The following FOXN2 variants were observed in gnomAD, a reference collection of about 807,000 sequenced individuals.
The protein encoded by FOXN2 is forkhead box N2.
FOXN2 carries 19 observed loss-of-function variants against 41.2 expected under a neutral mutation model. The ratio of observed to expected loss-of-function variants is 0.46; its 90% confidence interval spans 0.32 to 0.68. The LOEUF is 0.68. Ranked by LOEUF, FOXN2 falls within the 30% of genes least tolerant of loss-of-function variation. The pLI is 0.03. For missense variants in FOXN2, 587 were observed against 509.4 expected, an observed-to-expected ratio of 1.15 and a Z score of -1.47; for synonymous variants, 195 against 176.8, an observed-to-expected ratio of 1.10 and a Z score of -0.82.
At position 48,377,818 on chromosome 2, in the gene FOXN2, G is replaced by A. The variant is rs984920752; in HGVS notation, c.*2375G>A. Reference sequence around the variant, plus strand: ...CAAGGGAAGAACCTTTTAAATTATGGTCCTCCATTTACTACTTCCACTGAG... The same window carrying A: ...CAAGGGAAGAACCTTTTAAATTATGATCCTCCATTTACTACTTCCACTGAG... On this transcript the variant is annotated 3_prime_UTR_variant, in exon 7 of 7. Transcript: ENST00000340553. The A allele has an allele frequency of 2.0e-5, 3 of 151,922 alleles. No homozygotes were observed. Among genetic ancestry groups the A allele is most frequent in the African/African-American group, 7.2e-5 (3 of 41,392 alleles). The allele number at this position is 151,922 out of a possible 1,614,324, so 9.4% of individuals were successfully genotyped here. A position where few individuals can be genotyped will look rare whatever the true frequency, so the allele number is the denominator to read the frequency against.
intron 4 of FOXN2, among the ~76,000 whole-genome samples, chr2:48,361,798 G>A (rs1485963909): frequency 6.6e-6 from 1 of 152,000 alleles, no homozygotes; most frequent in East Asian, 1.9e-4. Context: ...AGAACTGTTG[G>A]TGTCTTTCCA....
At chr2:48,335,889 G>T (rs1209580251) in intron 2 of FOXN2, among the ~76,000 whole-genome samples, 1 of 151,774 alleles carries the variant, frequency 6.6e-6, no homozygotes, top group Non-Finnish European at 1.5e-5. Flanking sequence ...TTAGCCAGGC[G>T]TGGTGGCAGG....
chr2:48,361,138 T>A (rs977050278), intron 4 of FOXN2, among the ~76,000 whole-genome samples: 3 of 152,162 alleles, frequency 2.0e-5, no homozygotes, highest in African/African-American at 7.2e-5. Context: ...ATCATAAGTT[T>A]AAATGTTAAA....
chr2:48,355,864 C>T (rs1257714276), intron 3 of FOXN2, among the ~76,000 whole-genome samples: 1 of 152,132 alleles, frequency 6.6e-6, no homozygotes, highest in Non-Finnish European at 1.5e-5. Context: ...GTCTAACAAT[C>T]CTGGTTTGGT....
chr2:48,356,746 G>A (rs1302878859), intron 3 of FOXN2, among the ~76,000 whole-genome samples: 4 of 152,110 alleles, frequency 2.6e-5, no homozygotes, highest in Non-Finnish European at 5.9e-5. Flanking sequence ...AATAATGAAC[G>A]TTGCCTTTTC....
chr2:48,317,595 C>CTTTTTTTTTTTTTTTTTT lies in FOXN2; in HGVS notation c.-157+2794_-157+2811dup, dbSNP rs574980247. Reference sequence around the variant, plus strand: ...ACAATGCCTATAGCCTATAGTATTGCTTTTTTTTTTTTTTTTTTTTTTTTT... The same window carrying CTTTTTTTTTTTTTTTTTT: ...ACAATGCCTATAGCCTATAGTATTGCTTTTTTTTTTTTTTTTTTTTTTTTTTTTTTTTTTTTTTTTTTT... On this transcript the variant is annotated intron_variant, in intron 1 of 6. Coordinates refer to ENST00000340553, the MANE Select transcript of FOXN2 (RefSeq NM_002158.4). Among the ~76,000 whole-genome samples, 13 of 34,746 alleles carry CTTTTTTTTTTTTTTTTTT rather than the reference C, an allele frequency of 3.7e-4. 3 individuals are homozygous for CTTTTTTTTTTTTTTTTTT. Among genetic ancestry groups the CTTTTTTTTTTTTTTTTTT allele is most frequent in the Non-Finnish European group, 5.7e-4 (10 of 17,474 alleles). The allele number at this position is 34,746 out of a possible 152,430, so 22.8% of individuals were successfully genotyped here.
intron 5 of FOXN2, among the ~76,000 whole-genome samples, chr2:48,372,335 GGC>G: frequency 6.6e-6 from 1 of 152,142 alleles, no homozygotes; most frequent in East Asian, 1.9e-4. Context: ...TTATCTTCAT[GGC>G]TTTATTATCT....
At chr2:48,371,056 G>T (rs1449880687) in intron 5 of FOXN2, among the ~76,000 whole-genome samples, 1 of 152,076 alleles carries the variant, frequency 6.6e-6, no homozygotes, top group Non-Finnish European at 1.5e-5. Flanking sequence ...TGAAGAAACT[G>T]TCTTTCCCCC....
intron 3 of FOXN2, among the ~76,000 whole-genome samples, 182 bp from the exon 4 acceptor site, chr2:48,358,865 G>T (rs1671976431): frequency 7.6e-6 from 1 of 131,530 alleles, no homozygotes; most frequent in South Asian, 2.5e-4. Context: ...AGGAAGTTTT[G>T]TACATCATAG....
chr2:48,347,219 G>GTTTTT (rs1671165247), intron 3 of FOXN2, among the ~76,000 whole-genome samples: 1 of 107,338 alleles, frequency 9.3e-6, no homozygotes, highest in Admixed American at 9.1e-5. Flanking sequence ...GTGTTTTGGT[G>GTTTTT]CTTTTTTTTT....
Position 48,317,858 on chromosome 2 carries a change from C to G in FOXN2, c.-157+3044C>G, listed in dbSNP as rs536979979. Among the ~76,000 whole-genome samples the G allele has an allele frequency of 7.9e-5, 12 of 152,004 alleles. No homozygotes were observed. In the East Asian group the frequency reaches 2.1e-3, roughly 27 times the overall value. ...CCTGACCTCAGGTATCCGCCTGCCT[C>G]AGCCTCCCAAAGTGCTGGGATTACA... On this transcript the variant is annotated intron_variant, in intron 1 of 6. Coordinates refer to ENST00000340553, the MANE Select transcript of FOXN2 (RefSeq NM_002158.4).
intron 3 of FOXN2, among the ~76,000 whole-genome samples, chr2:48,358,127 C>G (rs757677586): frequency 2.0e-5 from 3 of 151,694 alleles, no homozygotes; most frequent in Non-Finnish European, 4.4e-5. Flanking sequence ...TTTTTTTTAC[C>G]ACCTAACTTT....
Position 48,355,566 on chromosome 2 carries a change from T to A in FOXN2, c.538-3481T>A, listed in dbSNP as rs139259179. Among the ~76,000 whole-genome samples, 676 of 152,222 alleles carry A rather than the reference T, an allele frequency of 4.4e-3. 6 individuals are homozygous for A. Among genetic ancestry groups the A allele is most frequent in the African/African-American group, 0.014 (584 of 41,520 alleles). ...GGAATGCATGTGGATTTTTTTTTTTTAATTTATGAAATGTTTCTTGGGTCA... is the reference window on the plus strand; with the variant it reads ...GGAATGCATGTGGATTTTTTTTTTTAAATTTATGAAATGTTTCTTGGGTCA... On this transcript the variant is annotated intron_variant, in intron 3 of 6. Transcript: ENST00000340553.
chr2:48,333,338 T>C (rs1670133066), intron 2 of FOXN2, among the ~76,000 whole-genome samples: 1 of 152,096 alleles, frequency 6.6e-6, no homozygotes, highest in East Asian at 1.9e-4. Context: ...AGCTAATACT[T>C]TAGCTTTAGC....
intron 1 of FOXN2, among the ~76,000 whole-genome samples, chr2:48,320,191 T>C (rs908533321): frequency 6.6e-6 from 1 of 152,194 alleles, no homozygotes; most frequent in Non-Finnish European, 1.5e-5. Flanking sequence ...CCTCTTTCTA[T>C]GCTGATTGAA....
chr2:48,336,729 T>C (rs1280724019), intron 2 of FOXN2, among the ~76,000 whole-genome samples: 4 of 152,012 alleles, frequency 2.6e-5, no homozygotes, highest in Non-Finnish European at 5.9e-5. Flanking sequence ...TATTCATGTA[T>C]ATGGGGTTTA....
At chr2:48,336,264 CG>C (rs1558618822) in intron 2 of FOXN2, among the ~76,000 whole-genome samples, 1 of 150,984 alleles carries the variant, frequency 6.6e-6, no homozygotes, top group Non-Finnish European at 1.5e-5. Context: ...TTAAAAAAGC[CG>C]GGTGTGGTGG....
intron 5 of FOXN2, among the ~76,000 whole-genome samples, chr2:48,370,453 C>T (rs1316660915): frequency 6.6e-6 from 1 of 152,216 alleles, no homozygotes; most frequent in Non-Finnish European, 1.5e-5. Context: ...TTCTTTCTCT[C>T]CCTGAGGTCT....
chr2:48,372,207 TATG>T (rs1424322733), intron 5 of FOXN2, among the ~76,000 whole-genome samples: 1 of 152,188 alleles, frequency 6.6e-6, no homozygotes, highest in African/African-American at 2.4e-5. Context: ...GGTAAAGTAT[TATG>T]TGCTGTTTCA....
Sources: gnomAD v4.1 joint callset for allele counts (sites outside exome capture counted in the v4.1 genomes callset) on GRCh38, gnomAD v4.1.1 for gene constraint, MANE v1.5 for transcripts, NCBI Gene and HGNC (gene_info 2026-07-23, HGNC 2026-07-21) for gene names.